The following PHETA1 variants were observed in gnomAD, a reference collection of about 807,000 sequenced individuals.
The protein encoded by PHETA1 is sesquipedalian-1.
For missense variants in PHETA1, 348 were observed against 373.5 expected, an observed-to-expected ratio of 0.93 and a Z score of 0.56; for synonymous variants, 155 against 168.9, an observed-to-expected ratio of 0.92 and a Z score of 0.64.
rs955069833 is a variant in PHETA1, at chr12:111,361,762, G to T, written c.*916C>A. ...GGTCAGCACCTGGGCCTTCCTAGGC[G>T]GTGAGTCAGCTGGTGGCCTCCCCTC... On this transcript the variant is annotated 3_prime_UTR_variant, in exon 3 of 3. Transcript: ENST00000683047. 2 of 388,760 alleles carry T rather than the reference G, an allele frequency of 5.1e-6. No homozygotes were observed. The highest frequency in any genetic ancestry group is 6.2e-5 in the Admixed American group (2 of 32,162). 24.1% of individuals were successfully genotyped at this position (388,760 alleles called of 1,614,324 possible).
In PHETA1 at chr12:111,361,907, G is replaced by T. The variant is rs1387812639; in HGVS notation, c.*771C>A. ...GCCAAGACTGAAGGATGCAGTCAAG[G>T]AGTGTCTGGAGAGCCCTGTGAGAGC... On this transcript the variant is annotated 3_prime_UTR_variant, in exon 3 of 3. Coordinates refer to ENST00000683047, the MANE Select transcript of PHETA1 (RefSeq NM_144671.6). 4.4e-6 allele frequency: 2 copies of T among 456,126 alleles called. No homozygotes were observed. The highest frequency in any genetic ancestry group is 1.4e-4 in the East Asian group (2 of 14,376). The allele number at this position is 456,126 out of a possible 1,614,324, so 28.3% of individuals were successfully genotyped here.
chr12:111,366,668 G>A (rs901189631), intron 1 of PHETA1, among the ~76,000 whole-genome samples: 4 of 151,870 alleles, frequency 2.6e-5, no homozygotes, highest in Non-Finnish European at 5.9e-5. Flanking sequence ...GCTCTTCTCC[G>A]AGCCACACTG....
At position 111,362,531 on chromosome 12, in the gene PHETA1, C is replaced by T. The variant is rs1229130326; in HGVS notation, c.*147G>A. 2.6e-6 allele frequency: 4 copies of T among 1,513,684 alleles called. No individual in the cohort carries two copies. Among genetic ancestry groups the T allele is most frequent in the Middle Eastern group, 1.7e-4 (1 of 5,860 alleles). 93.8% of individuals were successfully genotyped at this position (1,513,684 alleles called of 1,614,324 possible). A position where few individuals can be genotyped will look rare whatever the true frequency, so the allele number is the denominator to read the frequency against. On this transcript the variant is annotated 3_prime_UTR_variant, in exon 3 of 3. Coordinates refer to ENST00000683047, the MANE Select transcript of PHETA1 (RefSeq NM_144671.6). Reference sequence around the variant, plus strand: ...GAATCCAGCACCTTCTCAGAGCCTGCATCCCCCAAAACCAGGCCACTCAGG... The same window carrying T: ...GAATCCAGCACCTTCTCAGAGCCTGTATCCCCCAAAACCAGGCCACTCAGG...
In PHETA1 at chr12:111,362,881, G is replaced by T; in HGVS notation, c.547C>A (p.Pro183Thr). 1.3e-6 allele frequency: 2 copies of T among 1,531,344 alleles called. No individual in the cohort carries two copies. Among genetic ancestry groups the T allele is most frequent in the Non-Finnish European group, 8.7e-7 (1 of 1,142,960 alleles). The allele number at this position is 1,531,344 out of a possible 1,614,324, so 94.9% of individuals were successfully genotyped here. Residue 183 changes from proline (P) to threonine (T), a missense_variant, in exon 3 of 3, where the codon CCC becomes ACC. Pro to Thr is a conservative substitution (Grantham distance 38). Coordinates refer to ENST00000683047, the MANE Select transcript of PHETA1 (RefSeq NM_144671.6). ...CAGACAGCGCAGCCATTCTCCTTGGGCGGGAGGGCACTGGGCCGGCGGGGC... is the reference window on the plus strand; with the variant it reads ...CAGACAGCGCAGCCATTCTCCTTGGTCGGGAGGGCACTGGGCCGGCGGGGC... ...PLPRRPSALP[P>T]KENGCAVWST...
At position 111,363,181 on chromosome 12, in the gene PHETA1, A is replaced by G. The variant is rs1868792305; in HGVS notation, c.247T>C (p.Phe83Leu). 1 of 1,612,564 alleles carries G rather than the reference A, an allele frequency of 6.2e-7. No homozygotes were observed. Among genetic ancestry groups the G allele is most frequent in the Non-Finnish European group, 8.5e-7 (1 of 1,179,872 alleles). The change falls in exon 3 of 3, where the codon TTT (phenylalanine) becomes CTT (leucine). Residue 83 changes from phenylalanine to leucine, a missense_variant. Physicochemically the swap from Phe to Leu is conservative, Grantham distance 22. Transcript: ENST00000683047. The surrounding 1 kb of genome is among the most constrained non-coding windows in gnomAD (Gnocchi z 7.4). Reference sequence around the variant, plus strand: ...TAGGTGCGCGCCCGGGTCCCCGCAAAGCGCACAGCGAAGGCGAACTCCTCG... The same window carrying G: ...TAGGTGCGCGCCCGGGTCCCCGCAAGGCGCACAGCGAAGGCGAACTCCTCG... ...AAEEFAFAVR[F>L]AGTRARTYVL...
chr12:111,361,979 C>T lies in PHETA1; in HGVS notation c.*699G>A. On this transcript the variant is annotated 3_prime_UTR_variant, in exon 3 of 3. Transcript: ENST00000683047. ...GCCCGCGGCCAGAGAGCCACTGCCA[C>T]CAGGAGCACCACCATGAGGCCTGGC... 2.2e-6 allele frequency: 1 copy of T among 456,130 alleles called. No homozygotes were observed. The highest frequency in any genetic ancestry group is 1.5e-5 in the South Asian group (1 of 64,564). The allele number at this position is 456,130 out of a possible 1,614,324, so 28.3% of individuals were successfully genotyped here. A position where few individuals can be genotyped will look rare whatever the true frequency, so the allele number is the denominator to read the frequency against.
chr12:111,367,983 T>C lies in PHETA1; in HGVS notation c.-182+929A>G, dbSNP rs187167830. 4.1e-3 allele frequency among the ~76,000 whole-genome samples: 631 copies of C among 152,336 alleles called. 2 individuals carry two copies. Among genetic ancestry groups the C allele is most frequent in the Non-Finnish European group, 7.5e-3 (510 of 68,024 alleles). On this transcript the variant is annotated intron_variant, in intron 1 of 2. Transcript: ENST00000683047. This position sits in a 1 kb window ranked among gnomAD's most constrained non-coding sequence, Gnocchi z 4.0. ...GGACAAGTCGTTTCACCTTTCCAAG[T>C]CTCAGTGTCCTCATCTGTTAAATTG...
At position 111,368,718 on chromosome 12, in the gene PHETA1, A is replaced by G. The variant is rs1869175909; in HGVS notation, c.-182+194T>C. On this transcript the variant is annotated intron_variant, in intron 1 of 2. Transcript: ENST00000683047. The surrounding 1 kb of genome is among the most constrained non-coding windows in gnomAD (Gnocchi z 5.0). ...GTCCCCACCAGCGGCAGACGTCCCTATGGGCTGAGAGAGGGGAGGGTGGTC... is the reference window on the plus strand; with the variant it reads ...GTCCCCACCAGCGGCAGACGTCCCTGTGGGCTGAGAGAGGGGAGGGTGGTC... Among the ~76,000 whole-genome samples the G allele has an allele frequency of 6.6e-6, 1 of 152,212 alleles. No homozygotes were observed. Among genetic ancestry groups the G allele is most frequent in the South Asian group, 2.1e-4 (1 of 4,834 alleles).
chr12:111,363,753 C>G lies in PHETA1; in HGVS notation c.-36-290G>C. The G allele has an allele frequency of 1.4e-6, 2 of 1,454,740 alleles. No homozygotes were observed. The highest frequency in any genetic ancestry group is 1.2e-5 in the South Asian group (1 of 82,430). 90.1% of individuals were successfully genotyped at this position (1,454,740 alleles called of 1,614,324 possible). A position where few individuals can be genotyped will look rare whatever the true frequency, so the allele number is the denominator to read the frequency against. On this transcript the variant is annotated intron_variant, in intron 2 of 2. Transcript: ENST00000683047. This position sits in a 1 kb window ranked among gnomAD's most constrained non-coding sequence, Gnocchi z 7.4. ...ATGCCAGACATTTCAGAGGAATGAA[C>G]TCACTTTATCTCACAATAGACCTTA...
At chr12:111,365,167 C>T (rs1262301401) in intron 2 of PHETA1, among the ~76,000 whole-genome samples, 1 of 152,218 alleles carries the variant, frequency 6.6e-6, no homozygotes, top group African/African-American at 2.4e-5. Context: ...TTGGGGTTTT[C>T]CATGGCCATT....
rs1833692771 is a variant in PHETA1, at chr12:111,363,288, A to T, written c.140T>A (p.Phe47Tyr). 6.2e-7 allele frequency: 1 copy of T among 1,613,038 alleles called. No homozygotes were observed. The highest frequency in any genetic ancestry group is 1.1e-5 in the South Asian group (1 of 91,080). The part of the protein sequence containing the change: ...RWFVLRGNML[F>Y]YFEDAASREP... ...ACGGCTGGCAGCGTCCTCGAAGTAG[A>T]AGAGCATGTTCCCGCGCAGCACGAA... The change falls in exon 3 of 3, where the codon TTC (phenylalanine) becomes TAC (tyrosine). Residue 47 changes from phenylalanine to tyrosine, a missense_variant. Transcript: ENST00000683047. This position sits in a 1 kb window ranked among gnomAD's most constrained non-coding sequence, Gnocchi z 7.4.
At position 111,368,398 on chromosome 12, in the gene PHETA1, C is replaced by G. The variant is rs1485198510; in HGVS notation, c.-182+514G>C. Among the ~76,000 whole-genome samples, 1 of 152,148 alleles carries G rather than the reference C, an allele frequency of 6.6e-6. No individual in the cohort carries two copies. Among genetic ancestry groups the G allele is most frequent in the African/African-American group, 2.4e-5 (1 of 41,424 alleles). On this transcript the variant is annotated intron_variant, in intron 1 of 2. Coordinates refer to ENST00000683047, the MANE Select transcript of PHETA1 (RefSeq NM_144671.6). The surrounding 1 kb of genome is among the most constrained non-coding windows in gnomAD (Gnocchi z 5.0). The stretch of plus-strand genomic sequence containing the variant: ...AGCTGCCCTCAGTGTCCCCCAGCAG[C>G]GGGCGTGGGGAAGAGGGTGTGGCAG...
In PHETA1 at chr12:111,360,772, A is replaced by T. The variant is rs1194663848; in HGVS notation, c.*1906T>A. On this transcript the variant is annotated 3_prime_UTR_variant, in exon 3 of 3. Coordinates refer to ENST00000683047, the MANE Select transcript of PHETA1 (RefSeq NM_144671.6). ...CCAACCCAGGAGGCAGCCTGATCCC[A>T]CCTTGTGCTTTGGTAGGGGACATCC... 6.6e-6 allele frequency: 1 copy of T among 152,560 alleles called. No individual in the cohort carries two copies. The highest frequency in any genetic ancestry group is 1.5e-5 in the Non-Finnish European group (1 of 68,056). 9.5% of individuals were successfully genotyped at this position (152,560 alleles called of 1,614,324 possible). A position where few individuals can be genotyped will look rare whatever the true frequency, so the allele number is the denominator to read the frequency against.
rs956158155 is a variant in PHETA1 at position 111,361,986 on chromosome 12, C to A, written c.*692G>T. On this transcript the variant is annotated 3_prime_UTR_variant, in exon 3 of 3. Transcript: ENST00000683047. Reference sequence around the variant, plus strand: ...GCCAGAGAGCCACTGCCACCAGGAGCACCACCATGAGGCCTGGCAGGGGAC... The same window carrying A: ...GCCAGAGAGCCACTGCCACCAGGAGAACCACCATGAGGCCTGGCAGGGGAC... The A allele has an allele frequency of 1.5e-5, 7 of 455,994 alleles. No individual in the cohort carries two copies. Among genetic ancestry groups the A allele is most frequent in the Non-Finnish European group, 2.6e-5 (6 of 226,842 alleles). 28.2% of individuals were successfully genotyped at this position (455,994 alleles called of 1,614,324 possible).
At position 111,361,687 on chromosome 12, in the gene PHETA1, A is replaced by T; in HGVS notation, c.*991T>A. The T allele has an allele frequency of 5.7e-6, 2 of 353,370 alleles. No individual in the cohort carries two copies. The highest frequency in any genetic ancestry group is 4.2e-5 in the South Asian group (2 of 47,472). 21.9% of individuals were successfully genotyped at this position (353,370 alleles called of 1,614,324 possible). On this transcript the variant is annotated 3_prime_UTR_variant, in exon 3 of 3. Coordinates refer to ENST00000683047, the MANE Select transcript of PHETA1 (RefSeq NM_144671.6). ...GTTAGAGGGGGCTGCCTGGAGCTGA[A>T]GAGGGGCTCTGGAAGCCACACTCGG...
chr12:111,365,523 T>A (rs1168204704), intron 2 of PHETA1: 2 of 455,866 alleles, frequency 4.4e-6, no homozygotes. Context: ...CAAATGCCCA[T>A]CAATGATAGA....
At position 111,362,050 on chromosome 12, in the gene PHETA1, G is replaced by A. The variant is rs1868637948; in HGVS notation, c.*628C>T. 4 of 454,940 alleles carry A rather than the reference G, an allele frequency of 8.8e-6. No individual in the cohort carries two copies. Among genetic ancestry groups the A allele is most frequent in the Admixed American group, 2.4e-5 (1 of 42,520 alleles). The allele number at this position is 454,940 out of a possible 1,614,324, so 28.2% of individuals were successfully genotyped here. Reference sequence around the variant, plus strand: ...CTGCCTCAGCCAGCCCAGGCCAGGAGCCCCGAGGACCAGGCCACCTCACCC... The same window carrying A: ...CTGCCTCAGCCAGCCCAGGCCAGGAACCCCGAGGACCAGGCCACCTCACCC... On this transcript the variant is annotated 3_prime_UTR_variant, in exon 3 of 3. Transcript: ENST00000683047.
Position 111,362,982 on chromosome 12 carries a change from G to A in PHETA1, c.446C>T (p.Pro149Leu). ...PQPQPQSLPL[P>L]PSLPSALAPV... ...GGCCAGGGCAGAGGGCAGGGACGGG[G>A]GCAAGGGCAGGGACTGGGGCTGGGG... Residue 149 changes from proline (P) to leucine (L), a missense_variant, in exon 3 of 3, where the codon CCC becomes CTC. Transcript: ENST00000683047. 6.7e-7 allele frequency: 1 copy of A among 1,483,896 alleles called. No individual in the cohort carries two copies. The highest frequency in any genetic ancestry group is 1.3e-5 in the South Asian group (1 of 74,824). The allele number at this position is 1,483,896 out of a possible 1,614,324, so 91.9% of individuals were successfully genotyped here.
At position 111,361,581 on chromosome 12, in the gene PHETA1, C is replaced by T. The variant is rs148974823; in HGVS notation, c.*1097G>A. The T allele has an allele frequency of 1.8e-4, 48 of 268,032 alleles. No individual in the cohort carries two copies. The highest frequency in any genetic ancestry group is 8.6e-4 in the African/African-American group (39 of 45,236). 16.6% of individuals were successfully genotyped at this position (268,032 alleles called of 1,614,324 possible). A position where few individuals can be genotyped will look rare whatever the true frequency, so the allele number is the denominator to read the frequency against. Reference sequence around the variant, plus strand: ...GGCACTGTGGTGAGAAGAAAGGGGACCGGCGGTCAGCCCCGAAGCCAAGCA... The same window carrying T: ...GGCACTGTGGTGAGAAGAAAGGGGATCGGCGGTCAGCCCCGAAGCCAAGCA... On this transcript the variant is annotated 3_prime_UTR_variant, in exon 3 of 3. Coordinates refer to ENST00000683047, the MANE Select transcript of PHETA1 (RefSeq NM_144671.6).
Sources: gnomAD v4.1 joint callset for allele counts (sites outside exome capture counted in the v4.1 genomes callset) on GRCh38, gnomAD v4.1.1 for gene constraint, Gnocchi (gnomAD v3.1) non-coding constraint, MANE v1.5 for transcripts, NCBI Gene and HGNC (gene_info 2026-07-23, HGNC 2026-07-21) for gene names.